Variants in NOS1 observed in about 807,000 individuals in gnomAD.
NOS1 encodes nitric oxide synthase 1.
A neutral mutation model predicts 164.5 loss-of-function variants in NOS1; 51 were observed. The observed-to-expected ratio is 0.31, with a 90% CI of 0.25 to 0.39. The LOEUF (loss-of-function observed/expected upper bound fraction) is 0.39. Among genes scored for constraint, NOS1 ranks in the 10% least tolerant of loss-of-function variants. The pLI is 1.00. For missense variants in NOS1, 1,362 were observed against 1,885.6 expected (o/e 0.72, Z 5.14); for synonymous variants, 719 against 745.8 (o/e 0.96, Z 0.59).
chr12:117,259,128 C>T lies in NOS1; in HGVS notation c.2370G>A (p.Val790=), dbSNP rs757093415. 3.1e-6 allele frequency: 5 copies of T among 1,610,960 alleles called. No individual in the cohort carries two copies. In the Admixed American group the frequency reaches 6.7e-5, roughly 21 times the overall value. Residue 790 remains valine (V), a splice_region_variant and synonymous_variant, in exon 15 of 29, where the codon GTG becomes GTA. Transcript: ENST00000317775. ...EIFKHAFDAK[V]MSMEEYDIVH... is the part of the protein sequence containing the mutation. The stretch of plus-strand genomic sequence containing the variant: ...CAATGTCATATTCTTCCATGGACAT[C>T]ACCTAGGTGGGCAGGGCACAGGTAT...
chr12:117,313,988 A>G (rs1520812), intron 2 of NOS1, among the ~76,000 whole-genome samples: 5,437 of 152,118 alleles, frequency 0.036, 280 homozygotes, highest in African/African-American at 0.11. Flanking sequence ...CCATCCCCCA[A>G]TCTGGTACAA....
At chr12:117,352,106 G>A (rs1285528402) in intron 1 of NOS1, among the ~76,000 whole-genome samples, 1 of 152,186 alleles carries the variant, frequency 6.6e-6, no homozygotes, top group Non-Finnish European at 1.5e-5. Flanking sequence ...CAGGAAAGTT[G>A]AGGTTGCAGT....
At chr12:117,227,739 A>C (rs904658) in intron 22 of NOS1, 98 bp from the exon 23 acceptor site, 419,613 of 1,131,460 alleles carry the variant, frequency 0.37, 84,399 homozygotes, top group African/African-American at 0.6. Context: ...AAATAAAAGT[A>C]ACAGTTGGCA....
chr12:117,244,511 T>C (rs931870542), intron 18 of NOS1, among the ~76,000 whole-genome samples: 3 of 152,248 alleles, frequency 2.0e-5, no homozygotes, highest in Non-Finnish European at 4.4e-5. Context: ...AGTGCTGGGA[T>C]TGCAGGCATG....
At chr12:117,228,105 G>A (rs367953999) in intron 22 of NOS1, among the ~76,000 whole-genome samples, 2 of 152,034 alleles carry the variant, frequency 1.3e-5, no homozygotes, top group African/African-American at 4.8e-5. Flanking sequence ...AAGAAAAAGA[G>A]AGAGAAGAAA....
At chr12:117,302,203 C>T in intron 3 of NOS1, 1 of 409,850 alleles carries the variant, frequency 2.4e-6, no homozygotes, top group Non-Finnish European at 4.9e-6. Flanking sequence ...TTATGGTTGA[C>T]ATCATTATCT....
At chr12:117,238,258 C>T (rs542958323) in intron 20 of NOS1, among the ~76,000 whole-genome samples, 1 of 152,134 alleles carries the variant, frequency 6.6e-6, no homozygotes, top group African/African-American at 2.4e-5. Flanking sequence ...TGTCTGAGGA[C>T]CCACTTGCAT....
chr12:117,313,939 C>A (rs1328525192), intron 2 of NOS1, among the ~76,000 whole-genome samples: 1 of 152,202 alleles, frequency 6.6e-6, no homozygotes, highest in Non-Finnish European at 1.5e-5. Flanking sequence ...TGGCCCTTGT[C>A]TTGCCCTCTG....
At chr12:117,217,508 C>G (rs1956629831) in intron 28 of NOS1, among the ~76,000 whole-genome samples, 1 of 152,064 alleles carries the variant, frequency 6.6e-6, no homozygotes, top group South Asian at 2.1e-4. Context: ...AGTTTGAGAC[C>G]AGTCTGGCCA....
chr12:117,335,754 G>C (rs1411527460), intron 1 of NOS1, among the ~76,000 whole-genome samples: 1 of 149,868 alleles, frequency 6.7e-6, no homozygotes, highest in Non-Finnish European at 1.5e-5. Flanking sequence ...GAGAGAGAGA[G>C]AGAGAGAGAG....
Position 117,214,089 on chromosome 12 carries a change from G to A in NOS1, c.*1220C>T, listed in dbSNP as rs1229388668. The A allele has an allele frequency of 4.1e-6, 4 of 985,288 alleles. No homozygotes were observed. The highest frequency in any genetic ancestry group is 4.7e-5 in the South Asian group (1 of 21,288). The allele number at this position is 985,288 out of a possible 1,614,324, so 61.0% of individuals were successfully genotyped here. On this transcript the variant is annotated 3_prime_UTR_variant, in exon 29 of 29. Coordinates refer to ENST00000317775, the MANE Select transcript of NOS1 (RefSeq NM_000620.5). The stretch of plus-strand genomic sequence containing the variant: ...ACCCCAAGTTGTGGCTCCTATCGAA[G>A]AAGCCACGTGGGACCTCATTATGGC...
chr12:117,334,683 T>C (rs1452988514), intron 1 of NOS1, among the ~76,000 whole-genome samples: 1 of 152,104 alleles, frequency 6.6e-6, no homozygotes, highest in Non-Finnish European at 1.5e-5. Context: ...GCGTGAGCCA[T>C]TGCACCTGGC....
At chr12:117,287,483 G>T (rs1403668828) in intron 5 of NOS1, among the ~76,000 whole-genome samples, 3 of 151,944 alleles carry the variant, frequency 2.0e-5, no homozygotes, top group African/African-American at 7.3e-5. Context: ...TGTTCGCCCA[G>T]GCTGGAGTGC....
In NOS1 at chr12:117,210,219, G is replaced by C. The variant is rs1956506640; in HGVS notation, c.*5090C>G. Reference sequence around the variant, plus strand: ...TGGTCTCAAACTCCTGGCCCCAAGTGATCCTCCCACCTCAGTCTCCCAAAG... The same window carrying C: ...TGGTCTCAAACTCCTGGCCCCAAGTCATCCTCCCACCTCAGTCTCCCAAAG... On this transcript the variant is annotated 3_prime_UTR_variant, in exon 29 of 29. Transcript: ENST00000317775. 1 of 868,896 alleles carries C rather than the reference G, an allele frequency of 1.2e-6. No homozygotes were observed. The highest frequency in any genetic ancestry group is 1.9e-5 in the African/African-American group (1 of 54,034). The allele number at this position is 868,896 out of a possible 1,614,324, so 53.8% of individuals were successfully genotyped here. A position where few individuals can be genotyped will look rare whatever the true frequency, so the allele number is the denominator to read the frequency against.
chr12:117,213,319 C>T lies in NOS1; in HGVS notation c.*1990G>A, dbSNP rs1956555833. ...CTACTAGGAGCTGGAAATGGGTTTG[C>T]AGGAAAGGAGTTTAGAATGGGCTTC... On this transcript the variant is annotated 3_prime_UTR_variant, in exon 29 of 29. Transcript: ENST00000317775. The T allele has an allele frequency of 7.1e-6, 7 of 985,302 alleles. No homozygotes were observed. Among genetic ancestry groups the T allele is most frequent in the African/African-American group, 1.7e-5 (1 of 57,222 alleles). The allele number at this position is 985,302 out of a possible 1,614,324, so 61.0% of individuals were successfully genotyped here.
intron 5 of NOS1, among the ~76,000 whole-genome samples, chr12:117,287,243 T>A (rs1231854670): frequency 6.6e-6 from 1 of 152,142 alleles, no homozygotes; most frequent in African/African-American, 2.4e-5. Flanking sequence ...AAAATTCATA[T>A]AAATGGTGCT....
At chr12:117,302,149 G>C (rs748215966) in intron 3 of NOS1, 2 of 455,292 alleles carry the variant, frequency 4.4e-6, no homozygotes, top group Non-Finnish European at 8.8e-6. Flanking sequence ...AAAGTGCTTA[G>C]CACAGTACCT....
In NOS1 at chr12:117,272,554, T is replaced by C; in HGVS notation, c.1670A>G (p.Glu557Gly). 6.2e-7 allele frequency: 1 copy of C among 1,613,650 alleles called. No homozygotes were observed. The highest frequency in any genetic ancestry group is 8.5e-7 in the Non-Finnish European group (1 of 1,179,838). Reference sequence around the variant, plus strand: ...CTTCAGCCCCAGGTCCTTGAACCACTCAAACCTGCAGGGAGCAACAGGGCC... The same window carrying C: ...CTTCAGCCCCAGGTCCTTGAACCACCCAAACCTGCAGGGAGCAACAGGGCC... ...LEVPIRHPKFEWFKDLGLKWY... is the reference protein window; with the variant it reads ...LEVPIRHPKFGWFKDLGLKWY... The change falls in exon 10 of 29, where the codon GAG becomes GGG. Residue 557 changes from glutamate to glycine, a missense_variant. Glu to Gly is a moderately conservative substitution (Grantham distance 98). Transcript: ENST00000317775. The surrounding 1 kb of genome is among the most constrained non-coding windows in gnomAD (Gnocchi z 4.3).
intron 4 of NOS1, 47 bp downstream of exon 4, chr12:117,290,251 G>C (rs1431728426): frequency 6.2e-7 from 1 of 1,604,952 alleles, no homozygotes; most frequent in African/African-American, 1.3e-5. Context: ...AATGTGGATA[G>C]TGATGAAGCT....
Sources: gnomAD v4.1 joint callset for allele counts (sites outside exome capture counted in the v4.1 genomes callset) on GRCh38, gnomAD v4.1.1 for gene constraint, Gnocchi (gnomAD v3.1) non-coding constraint, MANE v1.5 for transcripts, NCBI Gene and HGNC (gene_info 2026-07-23, HGNC 2026-07-21) for gene names.